CACNB2: variants seen among roughly 807,000 people sequenced by gnomAD.
CACNB2 encodes calcium voltage-gated channel auxiliary subunit beta 2.
Under a neutral mutation model 73.3 loss-of-function variants are expected in CACNB2, and 42 were observed. The ratio of observed to expected loss-of-function variants is 0.57; its 90% CI spans 0.45 to 0.74. CACNB2 has a LOEUF of 0.74. Ranked by LOEUF, CACNB2 falls within the 30% of genes least tolerant of loss-of-function variation. The pLI, the probability that CACNB2 is intolerant of heterozygous loss-of-function variation, is 0.00. For synonymous variants in CACNB2, 348 were observed against 310.3 expected (o/e 1.12, Z -1.28); for missense variants, 940 against 853.0 (o/e 1.10, Z -1.27).
Position 18,275,290 on chromosome 10 carries a change from A to T in CACNB2, c.213+124315A>T, listed in dbSNP as rs139000210. On this transcript the variant is annotated intron_variant, in intron 2 of 13. Transcript: ENST00000324631. ...AGATTTAAGTACCAATGTGCCATCT[A>T]AATACTAGCTTTCTGAACTCATTTC... 3.0e-3 allele frequency among the ~76,000 whole-genome samples: 450 copies of T among 152,340 alleles called. 2 individuals are homozygous for T. Among genetic ancestry groups the T allele is most frequent in the African/African-American group, 0.01 (426 of 41,578 alleles).
At chr10:18,456,291 C>G (rs1033407137) in intron 3 of CACNB2, among the ~76,000 whole-genome samples, 1 of 151,932 alleles carries the variant, frequency 6.6e-6, no homozygotes, top group South Asian at 2.1e-4. Context: ...ACCAAAACCC[C>G]GCCTCTACTG....
rs76799193 is a variant in CACNB2 at position 18,333,032 on chromosome 10, A to G, written c.214-68892A>G. ...AGCCACCAAAATACCCTTTCCTCCC[A>G]TTATTTCTAGAATTGCTTGAAGTGG... On this transcript the variant is annotated intron_variant, in intron 2 of 13. Coordinates refer to ENST00000324631, the MANE Select transcript of CACNB2 (RefSeq NM_201596.3). 7.9e-4 allele frequency among the ~76,000 whole-genome samples: 121 copies of G among 152,298 alleles called. 1 individual carries two copies. The East Asian group carries it at 0.019, about 24-fold the overall frequency.
intron 3 of CACNB2, among the ~76,000 whole-genome samples, chr10:18,439,475 A>G (rs2046309123): frequency 6.6e-6 from 1 of 152,150 alleles, no homozygotes; most frequent in Admixed American, 6.5e-5. Context: ...AGTTCAATAT[A>G]ATCCTTATGG....
chr10:18,304,325 A>G (rs2039644007), intron 2 of CACNB2, among the ~76,000 whole-genome samples: 1 of 152,216 alleles, frequency 6.6e-6, no homozygotes, highest in Non-Finnish European at 1.5e-5. Flanking sequence ...TCAATACACA[A>G]TGGGCAAGTA....
intron 2 of CACNB2, among the ~76,000 whole-genome samples, chr10:18,207,503 A>G (rs2035145259): frequency 6.6e-6 from 1 of 152,204 alleles, no homozygotes; most frequent in Admixed American, 6.5e-5. Flanking sequence ...CCTCATGGAT[A>G]AGGTGGGGTG....
At chr10:18,509,946 A>G (rs1364295304) in intron 6 of CACNB2, among the ~76,000 whole-genome samples, 1 of 152,260 alleles carries the variant, frequency 6.6e-6, no homozygotes, top group East Asian at 1.9e-4. Flanking sequence ...GCATGGAAAT[A>G]TAAGTATGAA....
At chr10:18,405,426 T>C (rs2044233908) in intron 3 of CACNB2, among the ~76,000 whole-genome samples, 1 of 152,250 alleles carries the variant, frequency 6.6e-6, no homozygotes, top group South Asian at 2.1e-4. Flanking sequence ...CATTTAGGTA[T>C]TGTGCGTAAT....
chr10:18,361,685 C>T (rs1027078092), intron 2 of CACNB2, among the ~76,000 whole-genome samples: 2 of 149,720 alleles, frequency 1.3e-5, no homozygotes, highest in Admixed American at 6.7e-5. Flanking sequence ...ATGATCTCAG[C>T]TCACTGAAAC....
At chr10:18,153,644 C>T (rs557831461) in intron 2 of CACNB2, among the ~76,000 whole-genome samples, 11 of 150,100 alleles carry the variant, frequency 7.3e-5, no homozygotes, top group Non-Finnish European at 1.0e-4. Flanking sequence ...TGCAGTGGCG[C>T]GATCTCGGCT....
intron 2 of CACNB2, among the ~76,000 whole-genome samples, chr10:18,298,382 A>C (rs1473145199): frequency 6.6e-6 from 1 of 151,962 alleles, no homozygotes; most frequent in Admixed American, 6.6e-5. Context: ...AAAAAAAAAA[A>C]CCTAACCTTG....
intron 2 of CACNB2, among the ~76,000 whole-genome samples, chr10:18,170,633 G>C (rs1325222907): frequency 6.6e-6 from 1 of 152,182 alleles, no homozygotes; most frequent in Non-Finnish European, 1.5e-5. Context: ...ATGTTGGTGG[G>C]TTGTGTGTTT....
intron 2 of CACNB2, among the ~76,000 whole-genome samples, chr10:18,243,869 C>T (rs1395716479): frequency 2.0e-5 from 3 of 152,132 alleles, no homozygotes; most frequent in Non-Finnish European, 4.4e-5. Flanking sequence ...TTATAAATAA[C>T]CCAGCCTCAA....
intron 2 of CACNB2, among the ~76,000 whole-genome samples, chr10:18,364,627 C>T (rs1312520056): frequency 6.6e-6 from 1 of 152,050 alleles, no homozygotes; most frequent in African/African-American, 2.4e-5. Context: ...TTCTTCTGGT[C>T]TTGTCTTCTC....
At chr10:18,526,333 T>C (rs1352727824) in intron 9 of CACNB2, among the ~76,000 whole-genome samples, 1 of 152,202 alleles carries the variant, frequency 6.6e-6, no homozygotes, top group Non-Finnish European at 1.5e-5. Context: ...TTCCATCCAG[T>C]ATTCCCTGCT....
At chr10:18,484,722 A>C (rs1377644507) in intron 3 of CACNB2, among the ~76,000 whole-genome samples, 1 of 152,208 alleles carries the variant, frequency 6.6e-6, no homozygotes, top group Non-Finnish European at 1.5e-5. Flanking sequence ...CTGTCCTTTC[A>C]ACCACGCAGT....
intron 3 of CACNB2, among the ~76,000 whole-genome samples, chr10:18,487,962 A>T (rs16917387): frequency 0.13 from 19,540 of 151,672 alleles, 2,577 homozygotes; most frequent in African/African-American, 0.34. Flanking sequence ...TACAGAGGGA[A>T]TAAAAAGTCA....
chr10:18,229,486 A>G (rs944264155), intron 2 of CACNB2, among the ~76,000 whole-genome samples: 2 of 152,252 alleles, frequency 1.3e-5, no homozygotes, highest in Admixed American at 1.3e-4. Context: ...CAAAGCAAAT[A>G]GAAAATGCAC....
At chr10:18,511,557 T>C (rs77683164) in intron 6 of CACNB2, among the ~76,000 whole-genome samples, 1 of 152,358 alleles carries the variant, frequency 6.6e-6, no homozygotes, top group African/African-American at 2.4e-5. Context: ...TATTTCAAAC[T>C]GGTAATTTGT....
At chr10:18,173,387 G>A (rs1000308329) in intron 2 of CACNB2, among the ~76,000 whole-genome samples, 2 of 152,266 alleles carry the variant, frequency 1.3e-5, no homozygotes, top group Admixed American at 1.3e-4. Context: ...CCTAGTGCAT[G>A]GTAAACTCTA....
Sources: gnomAD v4.1 joint callset for allele counts (sites outside exome capture counted in the v4.1 genomes callset) on GRCh38, gnomAD v4.1.1 for gene constraint, MANE v1.5 for transcripts, NCBI Gene and HGNC (gene_info 2026-07-23, HGNC 2026-07-21) for gene names.